The following CELSR1 variants were observed in gnomAD, a reference collection of about 807,000 sequenced individuals.
CELSR1 encodes the protein adhesion G protein-coupled receptor C1.
In CELSR1, 110 loss-of-function variants were observed where a neutral mutation model predicts 249.1. That is an observed-to-expected ratio of 0.44 (90% CI 0.38 to 0.52). The LOEUF (loss-of-function observed/expected upper bound fraction) is 0.52. Among genes scored for constraint, CELSR1 ranks in the 20% least tolerant of loss-of-function variants. CELSR1 has a pLI of 0.00. For missense variants in CELSR1, 4,109 were observed against 4,296.4 expected, an observed-to-expected ratio of 0.96 and a Z score of 1.22; for synonymous variants, 2,113 against 1,900.0, an observed-to-expected ratio of 1.11 and a Z score of -2.92.
At chr22:46,491,195 G>A (rs199719059) in intron 1 of CELSR1, among the ~76,000 whole-genome samples, 1 of 32,104 alleles carries the variant, frequency 3.1e-5, no homozygotes, top group African/African-American at 3.2e-4. Context: ...ACATGGCCAC[G>A]TCTCCTAGGG....
rs2080581293 is a variant in CELSR1 at position 46,512,251 on chromosome 22, G to C, written c.3544+21376C>G. 6.7e-6 allele frequency among the ~76,000 whole-genome samples: 1 copy of C among 150,028 alleles called. No homozygotes were observed. Among genetic ancestry groups the C allele is most frequent in the African/African-American group, 2.5e-5 (1 of 39,426 alleles). On this transcript the variant is annotated intron_variant, in intron 1 of 34. Transcript: ENST00000674500. The surrounding 1 kb of genome is among the most constrained non-coding windows in gnomAD (Gnocchi z 5.2). ...CAGAGGAGGACCAAGAAGCACTCAG[G>C]GACTGAGGTGTCAGCCCCCAAATCA...
chr22:46,436,121 A>G lies in CELSR1; in HGVS notation c.4522+53T>C. 1.3e-6 allele frequency: 2 copies of G among 1,483,468 alleles called. No individual in the cohort carries two copies. Among genetic ancestry groups the G allele is most frequent in the Non-Finnish European group, 1.9e-6 (2 of 1,064,364 alleles). The allele number at this position is 1,483,468 out of a possible 1,614,324, so 91.9% of individuals were successfully genotyped here. On this transcript the variant is annotated intron_variant, in intron 4 of 34. Transcript: ENST00000674500. The surrounding 1 kb of genome is among the most constrained non-coding windows in gnomAD (Gnocchi z 5.9). ...CACAGGGCGAGGGTCGTTTTAACCC[A>G]CAAAGTATCTGTGAATTGCTCAGAG...
chr22:46,461,030 T>C (rs4823816), intron 2 of CELSR1, among the ~76,000 whole-genome samples: 29,000 of 152,088 alleles, frequency 0.19, 2,819 homozygotes, highest in African/African-American at 0.21. Flanking sequence ...CTTGCAACCG[T>C]GAGGCCCCCG....
chr22:46,428,428 G>T lies in CELSR1; in HGVS notation c.4611+4965C>A, dbSNP rs1029528875. 6.6e-6 allele frequency among the ~76,000 whole-genome samples: 1 copy of T among 152,190 alleles called. No homozygotes were observed. Among genetic ancestry groups the T allele is most frequent in the African/African-American group, 2.4e-5 (1 of 41,452 alleles). On this transcript the variant is annotated intron_variant, in intron 5 of 34. Coordinates refer to ENST00000674500, the MANE Select transcript of CELSR1 (RefSeq NM_001378328.1). The surrounding 1 kb of genome is among the most constrained non-coding windows in gnomAD (Gnocchi z 5.7). ...GAGACCACCTGCTGCCCACGTAGAG[G>T]CTGCTGCCTCAAGCTCCGGCCCAGG...
rs1185226187 is a variant in CELSR1, at chr22:46,406,658, G to A, written c.5226+2338C>T. 6.6e-6 allele frequency among the ~76,000 whole-genome samples: 1 copy of A among 152,224 alleles called. No individual in the cohort carries two copies. The highest frequency in any genetic ancestry group is 1.9e-4 in the East Asian group (1 of 5,208). Reference sequence around the variant, plus strand: ...GGCTATACAGAACTGTTTCTAGATGGGCTGTCCTTAGGAGTGACAGAGAAG... The same window carrying A: ...GGCTATACAGAACTGTTTCTAGATGAGCTGTCCTTAGGAGTGACAGAGAAG... On this transcript the variant is annotated intron_variant, in intron 9 of 34. Transcript: ENST00000674500. The surrounding 1 kb of genome is among the most constrained non-coding windows in gnomAD (Gnocchi z 5.4).
chr22:46,397,277 C>CTTTTTTT (rs528088887), intron 12 of CELSR1, among the ~76,000 whole-genome samples: 3 of 78,752 alleles, frequency 3.8e-5, no homozygotes, highest in Non-Finnish European at 7.2e-5. Flanking sequence ...CTAATTTTTG[C>CTTTTTTT]TTTTTTTTTT....
At position 46,468,266 on chromosome 22, in the gene CELSR1, A is replaced by G. The variant is rs2080118703; in HGVS notation, c.3545-3921T>C. On this transcript the variant is annotated intron_variant, in intron 1 of 34. Coordinates refer to ENST00000674500, the MANE Select transcript of CELSR1 (RefSeq NM_001378328.1). This position sits in a 1 kb window ranked among gnomAD's most constrained non-coding sequence, Gnocchi z 4.5. ...CTGGGCGTGGTGGTGCATGCCTGTA[A>G]TCTTAGCTACTCGGGAGGCTGAGGC... Among the ~76,000 whole-genome samples the G allele has an allele frequency of 6.6e-6, 1 of 151,576 alleles. No homozygotes were observed. The highest frequency in any genetic ancestry group is 2.0e-4 in the East Asian group (1 of 5,128).
At chr22:46,511,719 G>A (rs2337053) in intron 1 of CELSR1, among the ~76,000 whole-genome samples, 85,397 of 151,958 alleles carry the variant, frequency 0.56, 25,564 homozygotes, top group East Asian at 0.77. Flanking sequence ...TGTGCTGAAG[G>A]CCAACAGTGG....
intron 1 of CELSR1, among the ~76,000 whole-genome samples, chr22:46,507,848 C>A (rs1246764464): frequency 3.4e-5 from 4 of 116,656 alleles, no homozygotes; most frequent in Non-Finnish European, 7.3e-5. Context: ...GTACAGTGGG[C>A]AGTCAGAGGA....
chr22:46,416,313 G>A (rs1402583434), intron 5 of CELSR1, among the ~76,000 whole-genome samples: 6 of 152,206 alleles, frequency 3.9e-5, no homozygotes, highest in Admixed American at 6.5e-5. Context: ...AGGCCCCAGC[G>A]CCCCGGCACC....
Position 46,463,592 on chromosome 22 carries a change from G to A in CELSR1, c.4183+115C>T, listed in dbSNP as rs1275264550. ...CGTGGAGCCCACACCTGGGCCCAGCGCCCATCCTCCAGCTGTTTTCCCCGG... is the reference window on the plus strand; with the variant it reads ...CGTGGAGCCCACACCTGGGCCCAGCACCCATCCTCCAGCTGTTTTCCCCGG... On this transcript the variant is annotated intron_variant, in intron 2 of 34. Transcript: ENST00000674500. The A allele has an allele frequency of 9.5e-6, 11 of 1,157,756 alleles. 1 individual carries two copies. Among genetic ancestry groups the A allele is most frequent in the Middle Eastern group, 2.2e-4 (1 of 4,572 alleles). 71.7% of individuals were successfully genotyped at this position (1,157,756 alleles called of 1,614,324 possible).
intron 1 of CELSR1, among the ~76,000 whole-genome samples, chr22:46,522,382 A>T (rs997870605): frequency 5.3e-5 from 8 of 152,124 alleles, no homozygotes; most frequent in African/African-American, 1.7e-4. Flanking sequence ...AAGTGCCAGG[A>T]TTATAGGCTG....
chr22:46,492,780 G>A lies in CELSR1; in HGVS notation c.3545-28435C>T, dbSNP rs79436690. On this transcript the variant is annotated intron_variant, in intron 1 of 34. Coordinates refer to ENST00000674500, the MANE Select transcript of CELSR1 (RefSeq NM_001378328.1). ...GGCCGAAACCCAGGAGGACAGTAGA[G>A]GTTGCCAACAGTGAGCCAAGATAGC... 8.2e-3 allele frequency among the ~76,000 whole-genome samples: 1,240 copies of A among 152,068 alleles called. 25 individuals carry two copies. Among genetic ancestry groups the A allele is most frequent in the African/African-American group, 0.029 (1,199 of 41,486 alleles).
rs1472378367 is a variant in CELSR1, at chr22:46,409,910, G to A, written c.4934-30C>T. On this transcript the variant is annotated intron_variant, in intron 7 of 34. Coordinates refer to ENST00000674500, the MANE Select transcript of CELSR1 (RefSeq NM_001378328.1). The surrounding 1 kb of genome is among the most constrained non-coding windows in gnomAD (Gnocchi z 9.8). ...CAACACAGAGCGTGCGGCAGAGCCT[G>A]ACTCGGAGGAACCGCCCGGGGTCCC... is the stretch of plus-strand genomic sequence containing the variant. 3 of 1,607,678 alleles carry A rather than the reference G, an allele frequency of 1.9e-6. No homozygotes were observed. Among genetic ancestry groups the A allele is most frequent in the East Asian group, 2.2e-5 (1 of 44,858 alleles).
At chr22:46,364,286 G>C (rs1444346099) in intron 33 of CELSR1, 35 bp from the exon 34 acceptor site, 1 of 1,597,394 alleles carries the variant, frequency 6.3e-7, no homozygotes, top group Non-Finnish European at 8.5e-7. Context: ...TCAAGTCCGG[G>C]TGATGCTGCC....
chr22:46,410,849 C>T lies in CELSR1; in HGVS notation c.4770-288G>A, dbSNP rs545597166. 7.2e-5 allele frequency among the ~76,000 whole-genome samples: 11 copies of T among 152,066 alleles called. No homozygotes were observed. Among genetic ancestry groups the T allele is most frequent in the Non-Finnish European group, 1.2e-4 (8 of 67,992 alleles). On this transcript the variant is annotated intron_variant, in intron 6 of 34. Transcript: ENST00000674500. The surrounding 1 kb of genome is among the most constrained non-coding windows in gnomAD (Gnocchi z 6.8). ...GGTCCACACCGAGACAGGATGTGAG[C>T]GCAGGGAGCACAGGTCAAGGCCAGC...
At chr22:46,499,018 A>G (rs2080441539) in intron 1 of CELSR1, among the ~76,000 whole-genome samples, 1 of 151,878 alleles carries the variant, frequency 6.6e-6, no homozygotes, top group Non-Finnish European at 1.5e-5. Context: ...TGTCTCTACT[A>G]AAAATACAAA....
intron 2 of CELSR1, among the ~76,000 whole-genome samples, chr22:46,455,989 C>T (rs1393770783): frequency 1.3e-5 from 2 of 152,156 alleles, no homozygotes; most frequent in Non-Finnish European, 2.9e-5. Flanking sequence ...TGAGAAGCAC[C>T]AAGGAGAGAA....
intron 20 of CELSR1, among the ~76,000 whole-genome samples, chr22:46,382,498 G>A (rs1255141018): frequency 3.3e-5 from 5 of 152,022 alleles, no homozygotes; most frequent in African/African-American, 4.8e-5. Flanking sequence ...GGATGGTCTC[G>A]ATCTCCTGAC....
Sources: allele counts gnomAD v4.1 joint callset (sites outside exome capture counted in the v4.1 genomes callset), GRCh38; gene constraint gnomAD v4.1.1; non-coding constraint Gnocchi (gnomAD v3.1); transcripts MANE v1.5; gene names NCBI Gene and HGNC (gene_info 2026-07-23, HGNC 2026-07-21).